Variants in SLX4IP observed in about 807,000 individuals in gnomAD.
The protein encoded by SLX4IP is protein SLX4IP.
SLX4IP carries 34 observed loss-of-function variants against 32.9 expected under a neutral mutation model. The ratio of observed to expected loss-of-function variants is 1.03; its 90% CI spans 0.79 to 1.38. The LOEUF (loss-of-function observed/expected upper bound fraction) is 1.38. Ranked by LOEUF, SLX4IP falls within the 40% of genes most tolerant of loss-of-function variation. SLX4IP has a pLI of 0.00. For missense variants in SLX4IP, 444 were observed against 479.0 expected (o/e 0.93, Z 0.68); for synonymous variants, 172 against 171.7 (o/e 1.00, Z -0.01).
chr20:10,458,977 C>G (rs895685172), intron 2 of SLX4IP, among the ~76,000 whole-genome samples: 6 of 152,214 alleles, frequency 3.9e-5, no homozygotes, highest in African/African-American at 9.6e-5. Context: ...ACACTCCCAC[C>G]AACAGTGTAA....
intron 2 of SLX4IP, among the ~76,000 whole-genome samples, chr20:10,525,054 A>C (rs908285436): frequency 6.6e-6 from 1 of 152,176 alleles, no homozygotes; most frequent in African/African-American, 2.4e-5. Flanking sequence ...ATAGAGAAAA[A>C]AGTTCCTAGC....
At chr20:10,591,728 A>G (rs1703708507) in intron 4 of SLX4IP, among the ~76,000 whole-genome samples, 1 of 152,218 alleles carries the variant, frequency 6.6e-6, no homozygotes, top group African/African-American at 2.4e-5. Flanking sequence ...CATTTCATCT[A>G]TGCTTGCGTG....
chr20:10,621,741 A>G (rs1450195918), intron 7 of SLX4IP, among the ~76,000 whole-genome samples: 2 of 152,150 alleles, frequency 1.3e-5, no homozygotes, highest in African/African-American at 2.4e-5. Flanking sequence ...CCTTGTTCCG[A>G]CTTTAATATA....
At chr20:10,587,338 T>A (rs555031987) in intron 4 of SLX4IP, among the ~76,000 whole-genome samples, 1 of 152,074 alleles carries the variant, frequency 6.6e-6, no homozygotes, top group African/African-American at 2.4e-5. Context: ...ATTAGAAATA[T>A]GTCTACAAAA....
In SLX4IP at chr20:10,556,755, T is replaced by G. The variant is rs887222821; in HGVS notation, c.117+435T>G. On this transcript the variant is annotated intron_variant, in intron 3 of 7. Transcript: ENST00000334534. Reference sequence around the variant, plus strand: ...TTAAAGCCTCAGCTTTTATTTTCTATCATCCTTGTATTATCATGAGCCTTT... The same window carrying G: ...TTAAAGCCTCAGCTTTTATTTTCTAGCATCCTTGTATTATCATGAGCCTTT... 3.3e-5 allele frequency among the ~76,000 whole-genome samples: 5 copies of G among 152,326 alleles called. No homozygotes were observed. In the South Asian group the frequency reaches 1.0e-3, roughly 32 times the overall value.
intron 1 of SLX4IP, among the ~76,000 whole-genome samples, chr20:10,441,727 TTTTG>T (rs1224055816): frequency 1.2e-4 from 13 of 111,856 alleles, no homozygotes; most frequent in Admixed American, 9.3e-4. Flanking sequence ...ACGTGTTTGT[TTTTG>T]TTTTTTTTTT....
At chr20:10,471,646 G>A (rs966292766) in intron 2 of SLX4IP, among the ~76,000 whole-genome samples, 3 of 152,174 alleles carry the variant, frequency 2.0e-5, no homozygotes, top group Non-Finnish European at 4.4e-5. Context: ...GGGCAAGTCA[G>A]CTAGCCTCTT....
intron 6 of SLX4IP, among the ~76,000 whole-genome samples, chr20:10,608,404 G>A (rs552028141): frequency 1.1e-4 from 16 of 152,282 alleles, no homozygotes; most frequent in East Asian, 7.7e-4. Flanking sequence ...GGTGGCTCAT[G>A]CCTGTAATCC....
At chr20:10,476,696 C>A (rs569415103) in intron 2 of SLX4IP, among the ~76,000 whole-genome samples, 1 of 152,130 alleles carries the variant, frequency 6.6e-6, no homozygotes, top group South Asian at 2.1e-4. Flanking sequence ...TTAAAATTAT[C>A]CAGAGAAGGG....
chr20:10,607,362 A>G (rs1191119314), intron 6 of SLX4IP, among the ~76,000 whole-genome samples: 1 of 152,218 alleles, frequency 6.6e-6, no homozygotes, highest in South Asian at 2.1e-4. Flanking sequence ...CATCAGCCAC[A>G]CAAGGCTAGT....
intron 2 of SLX4IP, among the ~76,000 whole-genome samples, chr20:10,522,088 C>A (rs1432120741): frequency 2.0e-5 from 3 of 152,160 alleles, no homozygotes; most frequent in African/African-American, 4.8e-5. Flanking sequence ...CCTTTCACCC[C>A]CCTTCAAGAG....
chr20:10,591,448 A>G (rs1206250818), intron 4 of SLX4IP, among the ~76,000 whole-genome samples: 1 of 152,146 alleles, frequency 6.6e-6, no homozygotes, highest in Non-Finnish European at 1.5e-5. Flanking sequence ...GCCACAGAGG[A>G]TATGCTTCAT....
chr20:10,462,657 G>A (rs1217550893), intron 2 of SLX4IP, among the ~76,000 whole-genome samples: 1 of 152,170 alleles, frequency 6.6e-6, no homozygotes, highest in Non-Finnish European at 1.5e-5. Flanking sequence ...TAGAAAGGAT[G>A]TGGTCTTCCA....
intron 4 of SLX4IP, among the ~76,000 whole-genome samples, chr20:10,585,981 G>GCCTA (rs1884403114): frequency 1.3e-5 from 2 of 152,002 alleles, no homozygotes; most frequent in Admixed American, 1.3e-4. Flanking sequence ...ATCTTACCAA[G>GCCTA]CCTACCTACC....
chr20:10,453,882 T>A (rs6131100), intron 1 of SLX4IP, among the ~76,000 whole-genome samples: 10,080 of 152,204 alleles, frequency 0.066, 410 homozygotes, highest in East Asian at 0.21. Context: ...TTCATTTTTT[T>A]AATTTTTGCT....
In SLX4IP at chr20:10,623,152, T is replaced by C; in HGVS notation, c.1000T>C (p.Leu334=). ...IVEKSKAVRV[L]PASELSDPGL... ...GGAAAAAAGCAAAGCTGTCAGGGTT[T>C]TGCCAGCTTCAGAGTTGTCAGATCC... is the stretch of plus-strand genomic sequence containing the variant. Residue 334 remains leucine, a synonymous_variant, in exon 8 of 8, where the codon TTG becomes CTG. Transcript: ENST00000334534. 1 of 1,614,220 alleles carries C rather than the reference T, an allele frequency of 6.2e-7. No homozygotes were observed. The highest frequency in any genetic ancestry group is 8.5e-7 in the Non-Finnish European group (1 of 1,180,046).
intron 6 of SLX4IP, among the ~76,000 whole-genome samples, chr20:10,614,450 G>T (rs908338467): frequency 6.6e-6 from 1 of 152,136 alleles, no homozygotes; most frequent in African/African-American, 2.4e-5. Flanking sequence ...GATCATATGG[G>T]GTGGGCCATG....
rs1255121130 is a variant in SLX4IP, at chr20:10,453,772, T to C, written c.-29-4404T>C. Among the ~76,000 whole-genome samples the C allele has an allele frequency of 3.9e-5, 6 of 152,104 alleles. No individual in the cohort carries two copies. In the East Asian group the frequency reaches 7.7e-4, roughly 20 times the overall value. On this transcript the variant is annotated intron_variant, in intron 1 of 7. Transcript: ENST00000334534. ...TTTTTTTTATCCCCAATGCCTAAAA[T>C]TTCACTGGGATAGATGCTGTAATAT...
intron 2 of SLX4IP, among the ~76,000 whole-genome samples, chr20:10,501,155 A>G (rs370849466): frequency 2.0e-5 from 3 of 152,338 alleles, no homozygotes; most frequent in East Asian, 3.9e-4. Context: ...TACAATGATG[A>G]TGGCAAAAAT....
Sources: allele counts gnomAD v4.1 joint callset (sites outside exome capture counted in the v4.1 genomes callset), GRCh38; gene constraint gnomAD v4.1.1; transcripts MANE v1.5; gene names NCBI Gene and HGNC (gene_info 2026-07-23, HGNC 2026-07-21).